Variants in RASAL3 observed in about 807,000 individuals in gnomAD.
RASAL3 encodes the protein RAS protein activator like-3.
A neutral mutation model predicts 105.5 loss-of-function variants in RASAL3; 74 were observed. The ratio of observed to expected loss-of-function variants is 0.70; its 90% CI spans 0.58 to 0.85. The LOEUF (loss-of-function observed/expected upper bound fraction) is 0.85, where lower values mean the gene tolerates loss of function less well. RASAL3 is among the 40% of genes least tolerant of loss of function. RASAL3 has a pLI of 0.00. For missense variants in RASAL3, 1,352 were observed against 1,392.0 expected (o/e 0.97, Z 0.46); for synonymous variants, 579 against 591.6 (o/e 0.98, Z 0.31).
At position 15,451,939 on chromosome 19, in the gene RASAL3, C is replaced by A; in HGVS notation, c.2893-1G>T. 6.2e-7 allele frequency: 1 copy of A among 1,610,670 alleles called. No individual in the cohort carries two copies. The highest frequency in any genetic ancestry group is 8.5e-7 in the Non-Finnish European group (1 of 1,177,260). On this transcript the variant is annotated splice_acceptor_variant, in intron 17 of 17. Coordinates refer to ENST00000343625, the MANE Select transcript of RASAL3 (RefSeq NM_022904.3). LOFTEE classifies it high-confidence loss of function. Reference sequence around the variant, plus strand: ...TCTCCATCTCATTTAGGCGGTGCTCCTGGGGAGGCAGTGGTGATGGGGTTC... The same window carrying A: ...TCTCCATCTCATTTAGGCGGTGCTCATGGGGAGGCAGTGGTGATGGGGTTC...
rs1970234513 is a variant in RASAL3 at position 15,453,802 on chromosome 19, G to A, written c.2280-305C>T. ...GGTAGAGATGGGGTCTCCCTATGTTGCCCAGGCTTGTCTTAAGTTCCTGGC... is the reference window on the plus strand; with the variant it reads ...GGTAGAGATGGGGTCTCCCTATGTTACCCAGGCTTGTCTTAAGTTCCTGGC... On this transcript the variant is annotated intron_variant, in intron 14 of 17. Coordinates refer to ENST00000343625, the MANE Select transcript of RASAL3 (RefSeq NM_022904.3). This position sits in a 1 kb window ranked among gnomAD's most constrained non-coding sequence, Gnocchi z 4.2. 6.7e-6 allele frequency among the ~76,000 whole-genome samples: 1 copy of A among 148,428 alleles called. No individual in the cohort carries two copies. Among genetic ancestry groups the A allele is most frequent in the African/African-American group, 2.5e-5 (1 of 40,098 alleles).
rs748014869 is a variant in RASAL3 at position 15,457,828 on chromosome 19, C to G, written c.895G>C (p.Val299Leu). The change falls in exon 9 of 18, where the codon GTG becomes CTG. Residue 299 changes from valine (V) to leucine (L), a missense_variant. Physicochemically the swap from Val to Leu is conservative, Grantham distance 32. This residue lies in a region of RASAL3 where 88 missense variants were observed against 132.7 expected (regional missense o/e 0.66). Transcript: ENST00000343625. The surrounding 1 kb of genome is among the most constrained non-coding windows in gnomAD (Gnocchi z 8.6). ...RRQFQPTQDN[V>L]EREETWLSVW... The stretch of plus-strand genomic sequence containing the variant: ...CTCAGCCATGTCTCTTCCCGCTCCA[C>G]GTTGTCCTGCAGATGGGAGTGGGAT... 1.9e-6 allele frequency: 3 copies of G among 1,548,830 alleles called. No individual in the cohort carries two copies. Among genetic ancestry groups the G allele is most frequent in the Admixed American group, 3.9e-5 (2 of 51,008 alleles).
Position 15,453,306 on chromosome 19 carries a change from C to A in RASAL3, c.2471G>T (p.Arg824Leu). 1 of 1,490,444 alleles carries A rather than the reference C, an allele frequency of 6.7e-7. No homozygotes were observed. Among genetic ancestry groups the A allele is most frequent in the Non-Finnish European group, 8.9e-7 (1 of 1,124,634 alleles). 92.3% of individuals were successfully genotyped at this position (1,490,444 alleles called of 1,614,324 possible). The change falls in exon 15 of 18, where the codon CGT (arginine) becomes CTT (leucine). Residue 824 changes from arginine (R) to leucine (L), a missense_variant. Physicochemically the swap from Arg to Leu is moderately radical, Grantham distance 102. Coordinates refer to ENST00000343625, the MANE Select transcript of RASAL3 (RefSeq NM_022904.3). The surrounding 1 kb of genome is among the most constrained non-coding windows in gnomAD (Gnocchi z 4.2). Reference protein sequence around the residue: ...VQRTQSVPVRRPARRRQSAGP... With the variant: ...VQRTQSVPVRLPARRRQSAGP... ...CGCAGATTGGCGGCGGCGGGCAGGA[C>A]GCCGGACCGGGACACTCTGCGTGCG...
Position 15,456,448 on chromosome 19 carries a change from C to T in RASAL3, c.1576+54G>A. 6.2e-7 allele frequency: 1 copy of T among 1,604,158 alleles called. No homozygotes were observed. The highest frequency in any genetic ancestry group is 2.2e-5 in the East Asian group (1 of 44,616). Reference sequence around the variant, plus strand: ...TGCTCAAGGACTCTTAGAACTTCACCCAGGTCCCCTAGCTCACCAGCAGGC... The same window carrying T: ...TGCTCAAGGACTCTTAGAACTTCACTCAGGTCCCCTAGCTCACCAGCAGGC... On this transcript the variant is annotated intron_variant, in intron 10 of 17. Coordinates refer to ENST00000343625, the MANE Select transcript of RASAL3 (RefSeq NM_022904.3). This position sits in a 1 kb window ranked among gnomAD's most constrained non-coding sequence, Gnocchi z 4.4.
Position 15,454,657 on chromosome 19 carries a change from G to A in RASAL3, c.1958C>T (p.Pro653Leu), listed in dbSNP as rs1424347602. Residue 653 changes from proline (P) to leucine (L), a missense_variant and splice_region_variant, in exon 12 of 18, where the codon CCG (proline) becomes CTG (leucine). By Grantham distance (98) the Pro-to-Leu change is moderately conservative. Transcript: ENST00000343625. ...KVIQNLANRA[P>L]FGEKEAYMGF... ...CCACCCCTAGCTTCCCAGCACCTAC[G>A]GGGCACGGTTGGCGAGGTTCTGGAT... is the stretch of plus-strand genomic sequence containing the variant. 9 of 1,609,702 alleles carry A rather than the reference G, an allele frequency of 5.6e-6. No homozygotes were observed. Among genetic ancestry groups the A allele is most frequent in the African/African-American group, 2.7e-5 (2 of 74,832 alleles).
At chr19:15,452,392 C>T in intron 16 of RASAL3, 1 of 592,566 alleles carries the variant, frequency 1.7e-6, no homozygotes, top group East Asian at 2.8e-5. Context: ...ATCTCAGTGC[C>T]CGGCCCAGCC....
intron 11 of RASAL3, among the ~76,000 whole-genome samples, 173 bp downstream of exon 11, chr19:15,455,931 G>A (rs565214813): frequency 7.2e-5 from 11 of 152,274 alleles, no homozygotes; most frequent in Admixed American, 4.6e-4. Context: ...GATTACGGGC[G>A]TGAGTCACCA....
chr19:15,458,555 G>C lies in RASAL3; in HGVS notation c.763C>G (p.Leu255Val), dbSNP rs2145476976. The change falls in exon 7 of 18, where the codon CTC becomes GTC. Residue 255 changes from leucine (L) to valine (V), a missense_variant. Physicochemically the swap from Leu to Val is conservative, Grantham distance 32. This residue lies in a region of RASAL3 where 344 missense variants were observed against 339.6 expected (regional missense o/e 1.01). Coordinates refer to ENST00000343625, the MANE Select transcript of RASAL3 (RefSeq NM_022904.3). ...TGAAAGCAGTGGGGCTCCCCCAGGA[G>C]GCTGGGGTGCAGTGGCCAGATCCGC... ...DVRIWPLHPSLLGEPHCFQVT... is the reference protein window; with the variant it reads ...DVRIWPLHPSVLGEPHCFQVT... 5.0e-6 allele frequency: 8 copies of C among 1,613,856 alleles called. No individual in the cohort carries two copies. The highest frequency in any genetic ancestry group is 6.8e-6 in the Non-Finnish European group (8 of 1,179,830).
intron 6 of RASAL3, 78 bp downstream of exon 6, chr19:15,460,125 T>G: frequency 8.1e-7 from 1 of 1,234,962 alleles, no homozygotes; most frequent in Non-Finnish European, 1.2e-6. Flanking sequence ...TTGGTGTAGA[T>G]TGGAATGATA....
chr19:15,457,718 C>A lies in RASAL3; in HGVS notation c.1005G>T (p.Ala335=). The A allele has an allele frequency of 6.6e-7, 1 of 1,515,260 alleles. No homozygotes were observed. The highest frequency in any genetic ancestry group is 8.8e-7 in the Non-Finnish European group (1 of 1,132,472). The allele number at this position is 1,515,260 out of a possible 1,614,324, so 93.9% of individuals were successfully genotyped here. ...CCCGAGGCGCCGTGCGTGCCAGCAG[C>A]GCGCCATCCAGCCACAGCTCGGCGC... ...GVRAELWLDG[A]LLARTAPRAG... The change falls in exon 9 of 18, where the codon GCG becomes GCT. Residue 335 remains alanine (A), a synonymous_variant. Transcript: ENST00000343625. The surrounding 1 kb of genome is among the most constrained non-coding windows in gnomAD (Gnocchi z 8.6).
chr19:15,459,917 G>C (rs1411533108), intron 6 of RASAL3, among the ~76,000 whole-genome samples: 1 of 152,054 alleles, frequency 6.6e-6, no homozygotes, highest in African/African-American at 2.4e-5. Context: ...CCCCCTGTTG[G>C]CCTAGTTAAC....
intron 6 of RASAL3, 55 bp from the exon 7 acceptor site, chr19:15,458,710 T>C (rs924329520): frequency 2.5e-6 from 4 of 1,584,466 alleles, no homozygotes; most frequent in Admixed American, 3.6e-5. Context: ...CCATCCCCCA[T>C]AGCCTGAAGG....
At position 15,464,386 on chromosome 19, in the gene RASAL3, C is replaced by A; in HGVS notation, c.-19-9G>T. The A allele has an allele frequency of 6.7e-7, 1 of 1,489,354 alleles. No homozygotes were observed. The highest frequency in any genetic ancestry group is 9.2e-7 in the Non-Finnish European group (1 of 1,084,974). The allele number at this position is 1,489,354 out of a possible 1,614,324, so 92.3% of individuals were successfully genotyped here. On this transcript the variant is annotated splice_polypyrimidine_tract_variant and intron_variant, in intron 1 of 17. Coordinates refer to ENST00000343625, the MANE Select transcript of RASAL3 (RefSeq NM_022904.3). The stretch of plus-strand genomic sequence containing the variant: ...TTGGGGGGGGGGGTCTCCTGGGGGA[C>A]GAGAGAGTGACAGTAGTGCCCAGTG...
rs1970427798 is a variant in RASAL3, at chr19:15,459,114, T to C, written c.663-459A>G. 2.0e-5 allele frequency among the ~76,000 whole-genome samples: 3 copies of C among 149,740 alleles called. No homozygotes were observed. The South Asian group carries it at 6.3e-4, about 32-fold the overall frequency. ...CCTGGCTAATTTTCTAATTTTTATA[T>C]TTTTAGTAGAGGTGGGGTTTCACCA... On this transcript the variant is annotated intron_variant, in intron 6 of 17. Transcript: ENST00000343625.
chr19:15,464,452 C>T, intron 1 of RASAL3, 53 bp downstream of exon 1: 2 of 1,249,548 alleles, frequency 1.6e-6, no homozygotes, highest in Non-Finnish European at 2.2e-6. Context: ...CCTCCCCACC[C>T]TCAGCTCTGC....
At position 15,461,248 on chromosome 19, in the gene RASAL3, G is replaced by A. The variant is rs772292750; in HGVS notation, c.514C>T (p.His172Tyr). Reference sequence around the variant, plus strand: ...TCCCTGAAGTTCCCCATGGCCACGTGGATGCTGCCCTCGGAGCTAGCACTT... The same window carrying A: ...TCCCTGAAGTTCCCCATGGCCACGTAGATGCTGCCCTCGGAGCTAGCACTT... ...VGSASSEGSI[H>Y]VAMGNFRDPD... is the part of the protein sequence containing the mutation. The change falls in exon 4 of 18, where the codon CAC (histidine) becomes TAC (tyrosine). Residue 172 changes from histidine (H) to tyrosine (Y), a missense_variant. Coordinates refer to ENST00000343625, the MANE Select transcript of RASAL3 (RefSeq NM_022904.3). 6.2e-7 allele frequency: 1 copy of A among 1,613,886 alleles called. No individual in the cohort carries two copies. The highest frequency in any genetic ancestry group is 8.5e-7 in the Non-Finnish European group (1 of 1,179,864).
Position 15,461,221 on chromosome 19 carries a change from G to A in RASAL3, c.541C>T (p.Pro181Ser). 3 of 1,613,856 alleles carry A rather than the reference G, an allele frequency of 1.9e-6. No homozygotes were observed. The highest frequency in any genetic ancestry group is 2.5e-6 in the Non-Finnish European group (3 of 1,179,846). Reference sequence around the variant, plus strand: ...CCTTTCCACCCCTCAAGCTTACCTGGATCCCTGAAGTTCCCCATGGCCACG... The same window carrying A: ...CCTTTCCACCCCTCAAGCTTACCTGAATCCCTGAAGTTCCCCATGGCCACG... ...IHVAMGNFRDPDRMPGKTEPE... is the reference protein window; with the variant it reads ...IHVAMGNFRDSDRMPGKTEPE... The change falls in exon 4 of 18, where the codon CCA (proline) becomes TCA (serine). Residue 181 changes from proline (P) to serine (S), a missense_variant. Physicochemically the swap from Pro to Ser is moderately conservative, Grantham distance 74. This residue lies in a region of RASAL3 where 344 missense variants were observed against 339.6 expected (regional missense o/e 1.01). Transcript: ENST00000343625.
rs200713055 is a variant in RASAL3, at chr19:15,454,305, C to T, written c.2161-38G>A. On this transcript the variant is annotated intron_variant, in intron 13 of 17. Coordinates refer to ENST00000343625, the MANE Select transcript of RASAL3 (RefSeq NM_022904.3). Reference sequence around the variant, plus strand: ...GCAGGACAGAGACTGAGCAAAGTCTCCAGGGTCAGAGTCTCCCAAGCCTTC... The same window carrying T: ...GCAGGACAGAGACTGAGCAAAGTCTTCAGGGTCAGAGTCTCCCAAGCCTTC... The T allele has an allele frequency of 3.8e-6, 6 of 1,567,484 alleles. No homozygotes were observed. The African/African-American group carries it at 8.1e-5, about 21-fold the overall frequency.
rs1215343069 is a variant in RASAL3 at position 15,464,299 on chromosome 19, C to A, written c.60G>T (p.Leu20=). ...CCCCTGTGTGCCAGCGGTAGGAAGT[C>A]AGCGGAGAGGTGGCTGTGGGCTGGG... ...SQTQPTATSP[L]TSYRWHTGGG... The change falls in exon 2 of 18, where the codon CTG becomes CTT. Residue 20 remains leucine, a synonymous_variant. Coordinates refer to ENST00000343625, the MANE Select transcript of RASAL3 (RefSeq NM_022904.3). 1.3e-6 allele frequency: 2 copies of A among 1,517,168 alleles called. No homozygotes were observed. Among genetic ancestry groups the A allele is most frequent in the East Asian group, 5.2e-5 (2 of 38,556 alleles). The allele number at this position is 1,517,168 out of a possible 1,614,324, so 94.0% of individuals were successfully genotyped here.
Sources: allele counts gnomAD v4.1 joint callset (sites outside exome capture counted in the v4.1 genomes callset), GRCh38; gene constraint gnomAD v4.1.1; regional missense constraint gnomAD v4.1.1; non-coding constraint Gnocchi (gnomAD v3.1); transcripts MANE v1.5; gene names NCBI Gene and HGNC (gene_info 2026-07-23, HGNC 2026-07-21).